CDH8: variants seen among roughly 807,000 people sequenced by gnomAD.
CDH8 encodes the protein cadherin 8.
CDH8 carries 17 observed loss-of-function variants against 68.1 expected under a neutral mutation model. The observed-to-expected ratio is 0.25, with a 90% CI of 0.17 to 0.37. The LOEUF (loss-of-function observed/expected upper bound fraction) is 0.37. Among genes scored for constraint, CDH8 ranks in the 10% least tolerant of loss-of-function variants. The pLI, the probability that CDH8 is intolerant of heterozygous loss-of-function variation, is 1.00. For synonymous variants in CDH8, 372 were observed against 365.1 expected (o/e 1.02, Z -0.21); for missense variants, 763 against 999.3 (o/e 0.76, Z 3.19).
intron 7 of CDH8, among the ~76,000 whole-genome samples, chr16:61,808,972 G>A (rs560629267): frequency 6.6e-6 from 1 of 152,156 alleles, no homozygotes; most frequent in East Asian, 1.9e-4. Flanking sequence ...GATCACCTGA[G>A]GTCAGGAGTT....
chr16:61,717,874 C>A (rs1453716751), intron 9 of CDH8, among the ~76,000 whole-genome samples: 1 of 151,426 alleles, frequency 6.6e-6, no homozygotes, highest in African/African-American at 2.4e-5. Context: ...TTTATCCTCA[C>A]AATACCTTGA....
chr16:61,970,250 T>C (rs888438618), intron 2 of CDH8, among the ~76,000 whole-genome samples: 5 of 152,042 alleles, frequency 3.3e-5, no homozygotes, highest in Non-Finnish European at 7.4e-5. Flanking sequence ...ATTTAGAAAC[T>C]TAAAAAAAGA....
intron 8 of CDH8, among the ~76,000 whole-genome samples, chr16:61,753,981 A>G (rs1466790036): frequency 2.6e-5 from 4 of 152,164 alleles, no homozygotes; most frequent in Non-Finnish European, 1.5e-5. Context: ...ACTCAAAATG[A>G]AGAAACTACA....
intron 9 of CDH8, chr16:61,726,280 T>C (rs529591291): frequency 3.3e-5 from 5 of 151,174 alleles, no homozygotes; most frequent in African/African-American, 1.2e-4. Context: ...CTTTGGTACC[T>C]TGTTAAAATA....
intron 2 of CDH8, among the ~76,000 whole-genome samples, chr16:62,000,172 G>T (rs965370793): frequency 6.6e-6 from 1 of 152,256 alleles, no homozygotes; most frequent in Middle Eastern, 3.4e-3. Context: ...TGGTATATAT[G>T]TGCCACATTT....
At chr16:61,894,312 G>A (rs1441531559) in intron 3 of CDH8, among the ~76,000 whole-genome samples, 1 of 152,172 alleles carries the variant, frequency 6.6e-6, no homozygotes, top group South Asian at 2.1e-4. Context: ...CATAAGTGAA[G>A]AAGACTGCAG....
chr16:61,887,704 T>C (rs1369979075), intron 3 of CDH8, among the ~76,000 whole-genome samples: 1 of 152,162 alleles, frequency 6.6e-6, no homozygotes, highest in Non-Finnish European at 1.5e-5. Flanking sequence ...CTAAGAGTTA[T>C]GGATTCAACA....
In CDH8 at chr16:61,916,398, C is replaced by T. The variant is rs1035755637; in HGVS notation, c.253-14925G>A. Among the ~76,000 whole-genome samples, 21 of 152,172 alleles carry T rather than the reference C, an allele frequency of 1.4e-4. No homozygotes were observed. The East Asian group carries it at 3.7e-3, about 27-fold the overall frequency. ...GGTGTGGTGGCGCATGCCTGACGTC[C>T]CAGCTACTTGGGAGGCTGAGGCAGG... On this transcript the variant is annotated intron_variant, in intron 2 of 11. Coordinates refer to ENST00000577390, the MANE Select transcript of CDH8 (RefSeq NM_001796.5).
intron 7 of CDH8, among the ~76,000 whole-genome samples, chr16:61,790,419 C>T (rs910748849): frequency 3.9e-5 from 6 of 151,914 alleles, no homozygotes; most frequent in Non-Finnish European, 8.8e-5. Flanking sequence ...ACTATTGGCC[C>T]GTAAGTAAGC....
At chr16:61,906,186 G>C (rs1414962957) in intron 2 of CDH8, among the ~76,000 whole-genome samples, 1 of 152,198 alleles carries the variant, frequency 6.6e-6, no homozygotes, top group Non-Finnish European at 1.5e-5. Flanking sequence ...AAAGGAGTTT[G>C]ACTTCATAAT....
chr16:61,789,268 G>A (rs1961320645), intron 8 of CDH8, 78 bp downstream of exon 8: 7 of 1,309,916 alleles, frequency 5.3e-6, no homozygotes, highest in Admixed American at 4.1e-5. Flanking sequence ...CAGAAACAGG[G>A]GCTGCTTATC....
At chr16:61,661,283 G>A (rs1963552401) in intron 10 of CDH8, among the ~76,000 whole-genome samples, 1 of 151,826 alleles carries the variant, frequency 6.6e-6, no homozygotes, top group Non-Finnish European at 1.5e-5. Flanking sequence ...CTCAACAACT[G>A]TATAATAAAT....
At chr16:61,961,251 G>A (rs1399116604) in intron 2 of CDH8, among the ~76,000 whole-genome samples, 3 of 151,888 alleles carry the variant, frequency 2.0e-5, no homozygotes, top group African/African-American at 7.3e-5. Context: ...GGAGGCAGAG[G>A]TTGCAGTGAG....
chr16:62,031,026 AT>A (rs1173757179), intron 1 of CDH8, among the ~76,000 whole-genome samples: 2 of 152,178 alleles, frequency 1.3e-5, no homozygotes, highest in South Asian at 2.1e-4. Context: ...ATCCTTAATT[AT>A]TTTTTATACA....
rs1411929193 is a variant in CDH8, at chr16:61,958,892, G to GCTCCAT, written c.253-57425_253-57420dup. Among the ~76,000 whole-genome samples, 7 of 151,976 alleles carry GCTCCAT rather than the reference G, an allele frequency of 4.6e-5. No individual in the cohort carries two copies. The East Asian group carries it at 1.2e-3, about 25-fold the overall frequency. ...ATCTGACCCTGACCATTTCTTTCTA[G>GCTCCAT]CTCCATCTCCATCAGTATAACCCCC... On this transcript the variant is annotated intron_variant, in intron 2 of 11. Coordinates refer to ENST00000577390, the MANE Select transcript of CDH8 (RefSeq NM_001796.5).
intron 10 of CDH8, among the ~76,000 whole-genome samples, chr16:61,662,548 A>T (rs936364363): frequency 4.6e-5 from 7 of 151,914 alleles, no homozygotes; most frequent in African/African-American, 1.4e-4. Flanking sequence ...ATAGAAGGAT[A>T]TGCTGACAAG....
intron 8 of CDH8, among the ~76,000 whole-genome samples, chr16:61,749,708 C>T (rs1960110562): frequency 6.6e-6 from 1 of 151,896 alleles, no homozygotes; most frequent in African/African-American, 2.4e-5. Context: ...TTATTTGTCC[C>T]CGTTTTATTT....
chr16:61,914,981 C>G (rs1510156), intron 2 of CDH8, among the ~76,000 whole-genome samples: 23,974 of 152,166 alleles, frequency 0.16, 2,104 homozygotes, highest in Middle Eastern at 0.25. Flanking sequence ...ACAGCAACAA[C>G]AGAGAGCCAA....
chr16:61,994,539 C>T (rs1376177852), intron 2 of CDH8, among the ~76,000 whole-genome samples: 1 of 152,114 alleles, frequency 6.6e-6, no homozygotes, highest in Non-Finnish European at 1.5e-5. Flanking sequence ...ATGTAAAAAG[C>T]TTTATGACTC....
Sources: gnomAD v4.1 joint callset for allele counts (sites outside exome capture counted in the v4.1 genomes callset) on GRCh38, gnomAD v4.1.1 for gene constraint, MANE v1.5 for transcripts, NCBI Gene and HGNC (gene_info 2026-07-23, HGNC 2026-07-21) for gene names.